TAF8: variants seen among roughly 807,000 people sequenced by gnomAD.
The protein encoded by TAF8 is TATA-box binding protein associated factor 8, also known as transcription initiation factor TFIID subunit 8.
In TAF8, 47 loss-of-function variants were observed where a neutral mutation model predicts 36.5. The ratio of observed to expected loss-of-function variants is 1.29; its 90% CI spans 1.02 to 1.64. TAF8 has a LOEUF of 1.64. Among genes scored for constraint, TAF8 ranks in the 40% most tolerant of loss-of-function variants. The pLI is 0.00. For missense variants in TAF8, 420 were observed against 407.6 expected (o/e 1.03, Z -0.26); for synonymous variants, 175 against 159.5 (o/e 1.10, Z -0.73).
intron 6 of TAF8, among the ~76,000 whole-genome samples, chr6:42,067,229 G>A (rs753710782): frequency 2.6e-5 from 4 of 152,128 alleles, no homozygotes; most frequent in African/African-American, 4.8e-5. Context: ...GTTTTTGTGG[G>A]TTTTTTTGAG....
At position 42,050,913 on chromosome 6, in the gene TAF8, C is replaced by G. The variant is rs566537974; in HGVS notation, c.45+327C>G. 30 of 1,163,482 alleles carry G rather than the reference C, an allele frequency of 2.6e-5. 1 individual carries two copies. In the Middle Eastern group the frequency reaches 1.8e-3, roughly 68 times the overall value. The allele number at this position is 1,163,482 out of a possible 1,614,324, so 72.1% of individuals were successfully genotyped here. On this transcript the variant is annotated intron_variant, in intron 1 of 8. Transcript: ENST00000372977. ...CGTTTCAAAATATTTAGCTTTCTTA[C>G]TTTTTTGTGCTTTTATCTTTTGCCC... is the stretch of plus-strand genomic sequence containing the variant.
In TAF8 at chr6:42,066,388, C is replaced by T; in HGVS notation, c.566C>T (p.Ala189Val). Residue 189 changes from alanine (A) to valine (V), a missense_variant, in exon 6 of 9, where the codon GCA (alanine) becomes GTA (valine). Ala to Val is a moderately conservative substitution (Grantham distance 64). Coordinates refer to ENST00000372977, the MANE Select transcript of TAF8 (RefSeq NM_138572.3). ...TCCCAGAGGCGCGATGTGGAGCGGGCACTTACCCGTTTCATGGCCAAGACA... is the reference window on the plus strand; with the variant it reads ...TCCCAGAGGCGCGATGTGGAGCGGGTACTTACCCGTTTCATGGCCAAGACA... ...AASQRRDVER[A>V]LTRFMAKTGE... 1.9e-6 allele frequency: 3 copies of T among 1,614,200 alleles called. No homozygotes were observed. Among genetic ancestry groups the T allele is most frequent in the African/African-American group, 1.3e-5 (1 of 75,054 alleles).
chr6:42,059,930 T>TC (rs1765133221), intron 5 of TAF8, among the ~76,000 whole-genome samples: 2 of 152,300 alleles, frequency 1.3e-5, no homozygotes, highest in Admixed American at 1.3e-4. Flanking sequence ...TCTGGCTTCT[T>TC]CCTGCTGACA....
chr6:42,076,241 C>T (rs1406216808), intron 7 of TAF8, among the ~76,000 whole-genome samples: 1 of 149,428 alleles, frequency 6.7e-6, no homozygotes, highest in Non-Finnish European at 1.5e-5. Context: ...AACCCTGCCT[C>T]GGAGTTCGAG....
chr6:42,068,419 G>A (rs200244642), intron 6 of TAF8, 46 bp from the exon 7 acceptor site: 58 of 1,610,824 alleles, frequency 3.6e-5, no homozygotes, highest in African/African-American at 1.5e-4. Flanking sequence ...AGCCAGCTGC[G>A]AGGTCTCTGT....
At position 42,057,401 on chromosome 6, in the gene TAF8, A is replaced by G. The variant is rs1447537719; in HGVS notation, c.377A>G (p.Asn126Ser). ...RMVITAPPVT[N>S]QPVTPKALTA... ...GACTCTGTTGCAGCTCCGGTGACCA[A>G]TCAGCCAGTGACCCCCAAGGCCCTC... Residue 126 changes from asparagine (N) to serine (S), a missense_variant, in exon 5 of 9, where the codon AAT (asparagine) becomes AGT (serine). Transcript: ENST00000372977. The G allele has an allele frequency of 9.9e-6, 16 of 1,614,040 alleles. No individual in the cohort carries two copies. The highest frequency in any genetic ancestry group is 1.4e-5 in the Non-Finnish European group (16 of 1,180,012).
intron 7 of TAF8, among the ~76,000 whole-genome samples, chr6:42,071,070 C>T (rs1562018552): frequency 1.3e-5 from 2 of 152,156 alleles, no homozygotes; most frequent in African/African-American, 2.4e-5. Context: ...CAAGTACAAT[C>T]GCAGAACCGC....
At chr6:42,064,692 C>G (rs1765298183) in intron 5 of TAF8, among the ~76,000 whole-genome samples, 1 of 152,004 alleles carries the variant, frequency 6.6e-6, no homozygotes, top group South Asian at 2.1e-4. Flanking sequence ...AAAATGCTAT[C>G]TCAGCCTGTA....
chr6:42,074,025 G>A (rs1278901572), intron 7 of TAF8, among the ~76,000 whole-genome samples: 1 of 152,240 alleles, frequency 6.6e-6, no homozygotes, highest in Admixed American at 6.5e-5. Context: ...GTGTGGTGGT[G>A]CATGCCCATA....
chr6:42,057,421 GCC>G lies in TAF8; in HGVS notation c.399_400del (p.Leu134HisfsTer18). On this transcript the variant is annotated frameshift_variant, in exon 5 of 9. Coordinates refer to ENST00000372977, the MANE Select transcript of TAF8 (RefSeq NM_138572.3). LOFTEE classifies it high-confidence loss of function. ...GACCAATCAGCCAGTGACCCCCAAG[GCC>G]CTCACTGCAGGGCAGAACCGACCCC... Reference protein sequence around the residue: ...PVTNQPVTPKALTAGQNRPHP... With the variant: ...PVTNQPVTPKXLTAGQNRPHP... 6.2e-7 allele frequency: 1 copy of G among 1,613,978 alleles called. No homozygotes were observed. Among genetic ancestry groups the G allele is most frequent in the Non-Finnish European group, 8.5e-7 (1 of 1,179,994 alleles).
At chr6:42,083,503 T>G (rs1765977743), downstream of TAF8, among the ~76,000 whole-genome samples, 1 of 152,200 alleles carries the variant, frequency 6.6e-6, no homozygotes, top group African/African-American at 2.4e-5. Context: ...GCCACCTCAG[T>G]GTAGAACTCC....
intron 5 of TAF8, among the ~76,000 whole-genome samples, chr6:42,061,632 C>T (rs940295041): frequency 6.6e-6 from 1 of 152,090 alleles, no homozygotes; most frequent in African/African-American, 2.4e-5. Context: ...TACACTAAGT[C>T]ATATTAGAAT....
At position 42,077,769 on chromosome 6, in the gene TAF8, A is replaced by C; in HGVS notation, c.*224A>C. ...CAGAATAATGAGAATTTTTTTTTTT[A>C]TTTTGAGATGGAGTCTTACTCTATC... On this transcript the variant is annotated 3_prime_UTR_variant, in exon 9 of 9. Coordinates refer to ENST00000372977, the MANE Select transcript of TAF8 (RefSeq NM_138572.3). The C allele has an allele frequency of 7.3e-7, 1 of 1,365,482 alleles. No individual in the cohort carries two copies. The highest frequency in any genetic ancestry group is 9.5e-7 in the Non-Finnish European group (1 of 1,054,068). 84.6% of individuals were successfully genotyped at this position (1,365,482 alleles called of 1,614,324 possible). A position where few individuals can be genotyped will look rare whatever the true frequency, so the allele number is the denominator to read the frequency against.
chr6:42,085,712 C>T (rs551299432), downstream of TAF8, among the ~76,000 whole-genome samples: 3 of 152,138 alleles, frequency 2.0e-5, no homozygotes, highest in Admixed American at 6.6e-5. Context: ...AGGCCAGGCA[C>T]GGTGGCTCAC....
At chr6:42,061,533 C>T (rs12216369) in intron 5 of TAF8, among the ~76,000 whole-genome samples, 1 of 152,006 alleles carries the variant, frequency 6.6e-6, no homozygotes, top group Non-Finnish European at 1.5e-5. Flanking sequence ...TTAGGGCAGC[C>T]ACAGTTAAAG....
At chr6:42,059,385 G>GA (rs1328626068) in intron 5 of TAF8, among the ~76,000 whole-genome samples, 375 of 123,370 alleles carry the variant, frequency 3.0e-3, no homozygotes, top group Middle Eastern at 4.4e-3. Flanking sequence ...TTTGTCTCAA[G>GA]AAAAAAAAAA....
intron 2 of TAF8, among the ~76,000 whole-genome samples, chr6:42,052,860 A>T (rs1006029718): frequency 2.6e-5 from 4 of 152,118 alleles, no homozygotes; most frequent in African/African-American, 7.2e-5. Context: ...AGAAGTGGAC[A>T]ACTTAGCCAG....
chr6:42,059,099 CA>C (rs1237756956), intron 5 of TAF8, among the ~76,000 whole-genome samples: 1 of 151,974 alleles, frequency 6.6e-6, no homozygotes, highest in Non-Finnish European at 1.5e-5. Flanking sequence ...CATAGGGACT[CA>C]GGGCCGGGCA....
At position 42,078,391 on chromosome 6, in the gene TAF8, T is replaced by G; in HGVS notation, c.*846T>G. ...TTCAGGATATCTGGATCCCTTTTAT[T>G]GACTCACAATTTGTGGCACCACTTT... On this transcript the variant is annotated 3_prime_UTR_variant, in exon 9 of 9. Coordinates refer to ENST00000372977, the MANE Select transcript of TAF8 (RefSeq NM_138572.3). 1 of 985,460 alleles carries G rather than the reference T, an allele frequency of 1.0e-6. No individual in the cohort carries two copies. Among genetic ancestry groups the G allele is most frequent in the Non-Finnish European group, 1.2e-6 (1 of 829,952 alleles). The allele number at this position is 985,460 out of a possible 1,614,324, so 61.0% of individuals were successfully genotyped here.
Sources: allele counts gnomAD v4.1 joint callset (sites outside exome capture counted in the v4.1 genomes callset), GRCh38; gene constraint gnomAD v4.1.1; transcripts MANE v1.5; gene names NCBI Gene and HGNC (gene_info 2026-07-23, HGNC 2026-07-21).